Variants in ZNF621 observed in about 807,000 individuals in gnomAD.
ZNF621 encodes zinc finger protein 621.
In ZNF621, 6 loss-of-function variants were observed where a neutral mutation model predicts 12.7. The ratio of observed to expected loss-of-function variants is 0.47; its 90% CI spans 0.26 to 0.93. The LOEUF (loss-of-function observed/expected upper bound fraction) is 0.93, where lower values mean the gene tolerates loss of function less well. Among genes scored for constraint, ZNF621 ranks in the 40% least tolerant of loss-of-function variants. The probability of loss-of-function intolerance (pLI) is 0.15; values close to 1 mark genes in which losing one functional copy is unlikely to be tolerated. For synonymous variants in ZNF621, 156 were observed against 190.3 expected (o/e 0.82, Z 1.48); for missense variants, 474 against 524.0 (o/e 0.90, Z 0.93).
chr3:40,529,327 G>A lies in ZNF621; in HGVS notation c.33G>A (p.Val11=). 6.2e-7 allele frequency: 1 copy of A among 1,613,366 alleles called. No individual in the cohort carries two copies. The highest frequency in any genetic ancestry group is 8.5e-7 in the Non-Finnish European group (1 of 1,179,504). Residue 11 remains valine (V), a synonymous_variant, in exon 3 of 5, where the codon GTG becomes GTA. Transcript: ENST00000339296. ...GGAACCTGTTGTTTCAGGAGTCAGT[G>A]ACCTTTGAGGATGTGGCTGTTTACT... The part of the protein sequence containing the change: MLQTTWPQES[V]TFEDVAVYFT...
intron 4 of ZNF621, 59 bp from the exon 5 acceptor site, chr3:40,531,971 C>T: frequency 1.4e-6 from 2 of 1,470,068 alleles, no homozygotes; most frequent in East Asian, 2.3e-5. Flanking sequence ...ATTAGGAACA[C>T]TGGATCCTAC....
In ZNF621 at chr3:40,534,100, T is replaced by A. The variant is rs990004427; in HGVS notation, c.*1010T>A. 2.0e-5 allele frequency: 3 copies of A among 152,588 alleles called. No individual in the cohort carries two copies. Among genetic ancestry groups the A allele is most frequent in the East Asian group, 3.8e-4 (2 of 5,204 alleles). 9.5% of individuals were successfully genotyped at this position (152,588 alleles called of 1,614,324 possible). ...GTTGAATCTGTTGTGCAGATTTTTC[T>A]TGATGAGCATTCTGTTTTTTTTTCT... On this transcript the variant is annotated 3_prime_UTR_variant, in exon 5 of 5. Transcript: ENST00000339296.
chr3:40,530,112 C>T (rs550759511), intron 3 of ZNF621, 97 bp from the exon 4 acceptor site: 1 of 965,562 alleles, frequency 1.0e-6, no homozygotes, highest in South Asian at 1.6e-5. Flanking sequence ...TGTTCAATTT[C>T]TCTCCCAAGT....
intron 3 of ZNF621, 23 bp from the exon 4 acceptor site, chr3:40,530,186 G>T: frequency 6.2e-7 from 1 of 1,602,444 alleles, no homozygotes; most frequent in Non-Finnish European, 8.5e-7. Context: ...CCCTCAATTT[G>T]TCTTTCTCTT....
At chr3:40,530,602 T>C (rs1350342326) in intron 4 of ZNF621, among the ~76,000 whole-genome samples, 1 of 152,162 alleles carries the variant, frequency 6.6e-6, no homozygotes, top group Admixed American at 6.5e-5. Flanking sequence ...GGTGGAAAAG[T>C]TTTAATTGTA....
rs1698736754 is a variant in ZNF621 at position 40,532,027 on chromosome 3, C to T, written c.260-3C>T. 1.3e-6 allele frequency: 2 copies of T among 1,592,300 alleles called. No homozygotes were observed. The highest frequency in any genetic ancestry group is 1.1e-5 in the South Asian group (1 of 89,164). The stretch of plus-strand genomic sequence containing the variant: ...TAGGAACACTTGTGGTTTCTTTGGT[C>T]AGGTGGTGAGTCCTGGATCAAAAAT... On this transcript the variant is annotated splice_region_variant and splice_polypyrimidine_tract_variant and intron_variant, in intron 4 of 4. Transcript: ENST00000339296.
At chr3:40,524,492 G>C (rs914165198), upstream of ZNF621, among the ~76,000 whole-genome samples, 1 of 152,202 alleles carries the variant, frequency 6.6e-6, no homozygotes, top group African/African-American at 2.4e-5. Flanking sequence ...GGAAGGGAGA[G>C]GGCTAAAACG....
chr3:40,524,502 G>T (rs1436934833), upstream of ZNF621, among the ~76,000 whole-genome samples: 1 of 152,202 alleles, frequency 6.6e-6, no homozygotes, highest in Non-Finnish European at 1.5e-5. Flanking sequence ...GGGCTAAAAC[G>T]GCGAGTGGAA....
chr3:40,531,351 C>T (rs954570740), intron 4 of ZNF621, among the ~76,000 whole-genome samples: 1 of 152,128 alleles, frequency 6.6e-6, no homozygotes, highest in African/African-American at 2.4e-5. Flanking sequence ...TTCTGTCTCT[C>T]TTTAAACATT....
At chr3:40,525,577 G>A (rs1698558344) in intron 1 of ZNF621, 1 of 614,222 alleles carries the variant, frequency 1.6e-6, no homozygotes, top group African/African-American at 1.8e-5. Context: ...TTCGGACTGA[G>A]CAGGCAGGTG....
At chr3:40,531,931 A>G (rs1247485025) in intron 4 of ZNF621, 99 bp from the exon 5 acceptor site, 2 of 1,113,068 alleles carry the variant, frequency 1.8e-6, no homozygotes, top group African/African-American at 3.1e-5. Context: ...TTTCACAGGT[A>G]TCTTTAAAAA....
intron 2 of ZNF621, among the ~76,000 whole-genome samples, chr3:40,526,744 C>T (rs1285729596): frequency 6.6e-6 from 1 of 152,172 alleles, no homozygotes; most frequent in East Asian, 1.9e-4. Context: ...GAATTTTAAG[C>T]AGGGGGATGA....
In ZNF621 at chr3:40,536,588, C is replaced by T. The variant is rs1698868990; in HGVS notation, c.*3498C>T. 1 of 152,170 alleles carries T rather than the reference C, an allele frequency of 6.6e-6. No homozygotes were observed. Among genetic ancestry groups the T allele is most frequent in the Non-Finnish European group, 1.5e-5 (1 of 68,040 alleles). The allele number at this position is 152,170 out of a possible 1,614,324, so 9.4% of individuals were successfully genotyped here. On this transcript the variant is annotated 3_prime_UTR_variant, in exon 5 of 5. Transcript: ENST00000339296. Reference sequence around the variant, plus strand: ...TCTGTCTCATCCCAGGAATCCAGTCCCAAGTGCTGCCTGCCAATCGTCCAG... The same window carrying T: ...TCTGTCTCATCCCAGGAATCCAGTCTCAAGTGCTGCCTGCCAATCGTCCAG...
chr3:40,523,772 ACAAACAAACAAAAAACAAGC>A (rs1431641508), upstream of ZNF621, among the ~76,000 whole-genome samples: 2 of 142,296 alleles, frequency 1.4e-5, no homozygotes, highest in East Asian at 4.1e-4. Flanking sequence ...TCTCAAAAAA[ACAAACAAACAAAAAACAAGC>A]AAAAAAAAAA....
chr3:40,530,400 A>T, intron 4 of ZNF621, 84 bp downstream of exon 4: 4 of 1,074,652 alleles, frequency 3.7e-6, no homozygotes, highest in Non-Finnish European at 5.6e-6. Context: ...GCTGCAGGGT[A>T]CAAATCTCCC....
rs1698802185 is a variant in ZNF621, at chr3:40,533,941, A to C, written c.*851A>C. ...TGTGAAATAAACAGTAAAAAAAAAA[A>C]GTATGTTGATGGCAGTGAGAGTAAT... On this transcript the variant is annotated 3_prime_UTR_variant, in exon 5 of 5. Coordinates refer to ENST00000339296, the MANE Select transcript of ZNF621 (RefSeq NM_198484.5). 6.6e-6 allele frequency: 1 copy of C among 152,500 alleles called. No homozygotes were observed. Among genetic ancestry groups the C allele is most frequent in the Non-Finnish European group, 1.5e-5 (1 of 68,010 alleles). 9.4% of individuals were successfully genotyped at this position (152,500 alleles called of 1,614,324 possible). A position where few individuals can be genotyped will look rare whatever the true frequency, so the allele number is the denominator to read the frequency against.
rs1345754846 is a variant in ZNF621, at chr3:40,525,802, A to T, written c.-39A>T. On this transcript the variant is annotated 5_prime_UTR_variant, in exon 2 of 5. Transcript: ENST00000339296. The stretch of plus-strand genomic sequence containing the variant: ...AGCTCTTGAGGATCTTGCTTGTCCA[A>T]ACCCAGAAGACAGTGCATGAAGCCA... 1 of 1,614,178 alleles carries T rather than the reference A, an allele frequency of 6.2e-7. No homozygotes were observed. The highest frequency in any genetic ancestry group is 1.1e-5 in the South Asian group (1 of 91,078).
intron 2 of ZNF621, among the ~76,000 whole-genome samples, chr3:40,528,746 A>G (rs1025517467): frequency 2.0e-4 from 30 of 152,296 alleles, no homozygotes; most frequent in Admixed American, 9.8e-4. Context: ...CCCTAATGAC[A>G]TATAATCTTG....
Position 40,532,440 on chromosome 3 carries a change from C to G in ZNF621, c.670C>G (p.Gln224Glu), listed in dbSNP as rs771543311. The change falls in exon 5 of 5, where the codon CAA becomes GAA. Residue 224 changes from glutamine (Q) to glutamate (E), a missense_variant. Transcript: ENST00000339296. ...KGLSSNTALT[Q>E]HQRIHTGEKP... Reference sequence around the variant, plus strand: ...TTTGAGTTCCAACACAGCCTTGACTCAACATCAGAGGATCCACACTGGAGA... The same window carrying G: ...TTTGAGTTCCAACACAGCCTTGACTGAACATCAGAGGATCCACACTGGAGA... 6.2e-7 allele frequency: 1 copy of G among 1,613,852 alleles called. No homozygotes were observed. The highest frequency in any genetic ancestry group is 1.1e-5 in the South Asian group (1 of 91,062).
Sources: allele counts gnomAD v4.1 joint callset (sites outside exome capture counted in the v4.1 genomes callset), GRCh38; gene constraint gnomAD v4.1.1; transcripts MANE v1.5; gene names NCBI Gene and HGNC (gene_info 2026-07-23, HGNC 2026-07-21).